CNTNAP2: variants seen among roughly 807,000 people sequenced by gnomAD.
CNTNAP2 encodes the protein contactin-associated protein-like 2.
Under a neutral mutation model 155.2 loss-of-function variants are expected in CNTNAP2, and 98 were observed. The ratio of observed to expected loss-of-function variants is 0.63; its 90% confidence interval spans 0.54 to 0.75. CNTNAP2 has a LOEUF of 0.75. Among genes scored for constraint, CNTNAP2 ranks in the 30% least tolerant of loss-of-function variants. The probability of loss-of-function intolerance (pLI) is 0.00; values close to 1 mark genes in which losing one functional copy is unlikely to be tolerated. For missense variants in CNTNAP2, 1,727 were observed against 1,688.1 expected, an observed-to-expected ratio of 1.02 and a Z score of -0.40; for synonymous variants, 651 against 631.2, an observed-to-expected ratio of 1.03 and a Z score of -0.47.
intron 8 of CNTNAP2, among the ~76,000 whole-genome samples, chr7:147,288,038 C>T (rs1433044236): frequency 2.0e-5 from 3 of 152,106 alleles, no homozygotes; most frequent in African/African-American, 7.2e-5. Flanking sequence ...TTACCTTTTG[C>T]ACTCTGGTCC....
At chr7:147,323,226 T>A (rs1428160351) in intron 9 of CNTNAP2, among the ~76,000 whole-genome samples, 1 of 88,174 alleles carries the variant, frequency 1.1e-5, no homozygotes, top group Non-Finnish European at 2.1e-5. Flanking sequence ...GCTATAAATT[T>A]CCCTCTACAC....
At chr7:146,144,994 T>C (rs1797936888) in intron 1 of CNTNAP2, among the ~76,000 whole-genome samples, 1 of 152,158 alleles carries the variant, frequency 6.6e-6, no homozygotes, top group Non-Finnish European at 1.5e-5. Context: ...GTGGGAGAGA[T>C]GTAACTCAGT....
chr7:147,801,585 A>T (rs1374574516), intron 13 of CNTNAP2, among the ~76,000 whole-genome samples: 1 of 151,980 alleles, frequency 6.6e-6, no homozygotes, highest in East Asian at 1.9e-4. Flanking sequence ...ACCGCCCTTA[A>T]TCCATTTAAC....
At chr7:146,566,667 A>C (rs1234726337) in intron 1 of CNTNAP2, among the ~76,000 whole-genome samples, 2 of 152,080 alleles carry the variant, frequency 1.3e-5, no homozygotes, top group African/African-American at 2.4e-5. Context: ...ACTGCACTCC[A>C]GCCTGGGCGA....
chr7:147,420,606 G>A (rs1797274782), intron 10 of CNTNAP2, among the ~76,000 whole-genome samples: 2 of 152,142 alleles, frequency 1.3e-5, no homozygotes, highest in Admixed American at 1.3e-4. Flanking sequence ...CCCCTTGCCA[G>A]CACCAAGGCA....
At position 148,415,548 on chromosome 7, in the gene CNTNAP2, G is replaced by A. The variant is rs1012333307; in HGVS notation, c.3928G>A (p.Ala1310Thr). 2 of 1,614,214 alleles carry A rather than the reference G, an allele frequency of 1.2e-6. No individual in the cohort carries two copies. The highest frequency in any genetic ancestry group is 1.7e-6 in the Non-Finnish European group (2 of 1,180,042). ...GAESAESADA[A>T]IMNNDPNFTE... is the part of the protein sequence containing the mutation. ...GGAGTCGGCAGAGAGCGCGGACGCC[G>A]CCATCATGAACAACGACCCCAACTT... The change falls in exon 24 of 24, where the codon GCC becomes ACC. Residue 1310 changes from alanine to threonine, a missense_variant. Coordinates refer to ENST00000361727, the MANE Select transcript of CNTNAP2 (RefSeq NM_014141.6).
intron 10 of CNTNAP2, among the ~76,000 whole-genome samples, chr7:147,480,041 A>G (rs1337312531): frequency 1.3e-5 from 2 of 152,152 alleles, no homozygotes; most frequent in Non-Finnish European, 2.9e-5. Context: ...AAATAAAAGT[A>G]CTCAAATATT....
intron 14 of CNTNAP2, among the ~76,000 whole-genome samples, chr7:147,972,751 A>G (rs1379164350): frequency 6.6e-6 from 1 of 152,226 alleles, no homozygotes; most frequent in Non-Finnish European, 1.5e-5. Flanking sequence ...ATAAATAGTT[A>G]CTGAATATCT....
chr7:146,156,683 A>G (rs1176310437), intron 1 of CNTNAP2, among the ~76,000 whole-genome samples: 2 of 151,976 alleles, frequency 1.3e-5, no homozygotes, highest in African/African-American at 2.4e-5. Flanking sequence ...GCTCACTATA[A>G]CCTCTGCCTC....
At chr7:148,053,694 C>A (rs1422412688) in intron 15 of CNTNAP2, among the ~76,000 whole-genome samples, 1 of 151,912 alleles carries the variant, frequency 6.6e-6, no homozygotes, top group East Asian at 1.9e-4. Flanking sequence ...ACATTTTTTG[C>A]TTTTATTATT....
chr7:146,589,887 C>G (rs975749547), intron 1 of CNTNAP2, among the ~76,000 whole-genome samples: 5 of 152,184 alleles, frequency 3.3e-5, no homozygotes, highest in African/African-American at 9.7e-5. Context: ...TTTGGTTCCT[C>G]TGCATCCACA....
rs941344877 is a variant in CNTNAP2, at chr7:146,419,084, A to AT, written c.97+302118dup. The stretch of plus-strand genomic sequence containing the variant: ...CCTTTATTTTTCTATAAAGAAAATG[A>AT]TTTTTTTATAAAGAAAAAGAGGTTC... On this transcript the variant is annotated intron_variant, in intron 1 of 23. Coordinates refer to ENST00000361727, the MANE Select transcript of CNTNAP2 (RefSeq NM_014141.6). Among the ~76,000 whole-genome samples, 20 of 152,188 alleles carry AT rather than the reference A, an allele frequency of 1.3e-4. 1 individual carries two copies. Among genetic ancestry groups the AT allele is most frequent in the Admixed American group, 2.0e-4 (3 of 15,250 alleles).
intron 21 of CNTNAP2, among the ~76,000 whole-genome samples, chr7:148,269,237 C>T (rs141977198): frequency 2.0e-5 from 3 of 152,296 alleles, no homozygotes; most frequent in African/African-American, 4.8e-5. Context: ...ATGTATTGAT[C>T]ACTGAGCCTT....
intron 18 of CNTNAP2, among the ~76,000 whole-genome samples, chr7:148,174,424 C>G (rs988225924): frequency 6.2e-4 from 95 of 152,046 alleles, no homozygotes; most frequent in South Asian, 1.0e-3. Flanking sequence ...GTGACCGCCC[C>G]CCACCTCAGG....
At chr7:147,199,819 G>A (rs1026170178) in intron 8 of CNTNAP2, among the ~76,000 whole-genome samples, 11 of 140,408 alleles carry the variant, frequency 7.8e-5, no homozygotes, top group African/African-American at 1.5e-4. Context: ...ATTAGTTCCC[G>A]ATTTTCTTTT....
At chr7:147,070,234 T>A (rs1420287838) in intron 4 of CNTNAP2, among the ~76,000 whole-genome samples, 1 of 152,312 alleles carries the variant, frequency 6.6e-6, no homozygotes, top group African/African-American at 2.4e-5. Flanking sequence ...ATTAGGTATA[T>A]AGCATAGTCT....
intron 3 of CNTNAP2, among the ~76,000 whole-genome samples, chr7:146,881,117 C>T (rs1422034562): frequency 1.3e-5 from 2 of 152,072 alleles, no homozygotes. Context: ...GCCAAGTCTG[C>T]ATTCTTTGCA....
At chr7:148,040,835 G>A (rs2116477949) in intron 15 of CNTNAP2, among the ~76,000 whole-genome samples, 1 of 135,586 alleles carries the variant, frequency 7.4e-6, no homozygotes, top group East Asian at 3.2e-4. Flanking sequence ...AATGGAAAGA[G>A]AGCAAATTTT....
intron 1 of CNTNAP2, among the ~76,000 whole-genome samples, chr7:146,147,607 A>G (rs1346878311): frequency 2.6e-5 from 4 of 152,086 alleles, no homozygotes; most frequent in Non-Finnish European, 5.9e-5. Context: ...CAGGCTCTGT[A>G]TTCTGTTATC....
Sources: gnomAD v4.1 joint callset for allele counts (sites outside exome capture counted in the v4.1 genomes callset) on GRCh38, gnomAD v4.1.1 for gene constraint, MANE v1.5 for transcripts, NCBI Gene and HGNC (gene_info 2026-07-23, HGNC 2026-07-21) for gene names.